KCNK10: variants seen among roughly 807,000 people sequenced by gnomAD.
KCNK10 encodes the protein potassium channel subfamily K member 10.
A neutral mutation model predicts 47.7 loss-of-function variants in KCNK10; 25 were observed. The observed-to-expected ratio is 0.52, with a 90% confidence interval of 0.38 to 0.73. The LOEUF (loss-of-function observed/expected upper bound fraction) is 0.73, where lower values mean the gene tolerates loss of function less well. Among genes scored for constraint, KCNK10 ranks in the 30% least tolerant of loss-of-function variants. The probability of loss-of-function intolerance (pLI) is 0.00; values close to 1 mark genes in which losing one functional copy is unlikely to be tolerated. For synonymous variants in KCNK10, 303 were observed against 285.6 expected (o/e 1.06, Z -0.61); for missense variants, 563 against 714.5 (o/e 0.79, Z 2.42).
chr14:88,223,082 C>T (rs758726317), intron 4 of KCNK10, among the ~76,000 whole-genome samples: 1 of 152,170 alleles, frequency 6.6e-6, no homozygotes, highest in Non-Finnish European at 1.5e-5. Flanking sequence ...GAAGGATTCT[C>T]ATGCACAAAT....
At chr14:88,266,978 GCAGAGTT>G (rs771528617) in intron 1 of KCNK10, among the ~76,000 whole-genome samples, 1 of 152,184 alleles carries the variant, frequency 6.6e-6, no homozygotes, top group Non-Finnish European at 1.5e-5. Context: ...GTCCATTAGG[GCAGAGTT>G]TGAACAGAAT....
At chr14:88,243,089 C>A (rs1886527806) in intron 2 of KCNK10, among the ~76,000 whole-genome samples, 1 of 152,136 alleles carries the variant, frequency 6.6e-6, no homozygotes, top group African/African-American at 2.4e-5. Context: ...TCTGAAGAAT[C>A]CTTTTCAAGT....
chr14:88,186,234 G>GT lies in KCNK10; in HGVS notation c.1012-80dup. The GT allele has an allele frequency of 6.8e-7, 1 of 1,469,580 alleles. No homozygotes were observed. Among genetic ancestry groups the GT allele is most frequent in the Non-Finnish European group, 9.0e-7 (1 of 1,106,428 alleles). 91.0% of individuals were successfully genotyped at this position (1,469,580 alleles called of 1,614,324 possible). A position where few individuals can be genotyped will look rare whatever the true frequency, so the allele number is the denominator to read the frequency against. On this transcript the variant is annotated intron_variant, in intron 6 of 6. Transcript: ENST00000319231. The surrounding 1 kb of genome is among the most constrained non-coding windows in gnomAD (Gnocchi z 5.5). ...GCCTCCCAGCACCCACAGCCCTCGG[G>GT]TGTCCCCACGGGGAGGCCAGGAGGT... is the stretch of plus-strand genomic sequence containing the variant.
intron 4 of KCNK10, among the ~76,000 whole-genome samples, chr14:88,194,183 C>T (rs549221287): frequency 6.6e-6 from 1 of 152,176 alleles, no homozygotes; most frequent in African/African-American, 2.4e-5. Flanking sequence ...ATGAAAATAT[C>T]GACTTTTCCA....
chr14:88,230,251 G>A (rs945980343), intron 3 of KCNK10, among the ~76,000 whole-genome samples: 9 of 152,040 alleles, frequency 5.9e-5, no homozygotes, highest in Admixed American at 2.0e-4. Context: ...GAAAACAGGC[G>A]GTTGATTCCT....
chr14:88,220,193 G>A (rs567635424), intron 4 of KCNK10, among the ~76,000 whole-genome samples: 44 of 151,890 alleles, frequency 2.9e-4, no homozygotes, highest in South Asian at 6.2e-4. Context: ...CGAGGCGGGC[G>A]GATCACGAGG....
At chr14:88,313,250 G>A (rs1399181152) in intron 1 of KCNK10, among the ~76,000 whole-genome samples, 4 of 152,154 alleles carry the variant, frequency 2.6e-5, no homozygotes, top group Admixed American at 6.5e-5. Context: ...AGCACGTGGT[G>A]CCTATTCAAT....
intron 1 of KCNK10, among the ~76,000 whole-genome samples, chr14:88,287,368 T>G (rs1373052295): frequency 6.6e-6 from 1 of 152,174 alleles, no homozygotes; most frequent in Non-Finnish European, 1.5e-5. Context: ...GGTGTTTGGT[T>G]ACATGACTAA....
At chr14:88,324,857 C>T (rs1888628762), upstream of KCNK10, among the ~76,000 whole-genome samples, 1 of 152,198 alleles carries the variant, frequency 6.6e-6, no homozygotes, top group Non-Finnish European at 1.5e-5. Context: ...AGAGCAAGAC[C>T]TACAGAGGTC....
At position 88,309,941 on chromosome 14, in the gene KCNK10, C is replaced by G. The variant is rs555407257; in HGVS notation, c.52+12806G>C. 2.0e-5 allele frequency among the ~76,000 whole-genome samples: 3 copies of G among 152,106 alleles called. No individual in the cohort carries two copies. In the East Asian group the frequency reaches 5.9e-4, roughly 30 times the overall value. On this transcript the variant is annotated intron_variant, in intron 1 of 6. Transcript: ENST00000319231. ...CCCTCCAGAGCTCTCAGTCTGCTCC[C>G]TACACAGCACCTGACTTCCCCCCTT...
chr14:88,239,456 T>C (rs1486730490), intron 3 of KCNK10, among the ~76,000 whole-genome samples: 3 of 152,282 alleles, frequency 2.0e-5, no homozygotes, highest in East Asian at 3.9e-4. Flanking sequence ...CACCAAAACT[T>C]TGTGTTGGAA....
At chr14:88,264,015 A>C (rs1477859036) in intron 1 of KCNK10, among the ~76,000 whole-genome samples, 9 of 152,316 alleles carry the variant, frequency 5.9e-5, no homozygotes, top group Non-Finnish European at 1.2e-4. Flanking sequence ...AACAGCAGAG[A>C]AGAGATGAAT....
intron 2 of KCNK10, among the ~76,000 whole-genome samples, chr14:88,254,258 C>A (rs1285169584): frequency 6.6e-6 from 1 of 152,196 alleles, no homozygotes; most frequent in Non-Finnish European, 1.5e-5. Context: ...ATTAGACCAA[C>A]CTGCCCCCAG....
At chr14:88,198,095 T>C (rs548482813) in intron 4 of KCNK10, among the ~76,000 whole-genome samples, 1 of 152,242 alleles carries the variant, frequency 6.6e-6, no homozygotes, top group South Asian at 2.1e-4. Context: ...AATAATAACA[T>C]TCTTGTAGCT....
At chr14:88,292,490 T>C (rs890832940) in intron 1 of KCNK10, among the ~76,000 whole-genome samples, 1 of 151,940 alleles carries the variant, frequency 6.6e-6, no homozygotes, top group African/African-American at 2.4e-5. Flanking sequence ...TCTGGGATTA[T>C]AGGCACCCGC....
At position 88,187,967 on chromosome 14, in the gene KCNK10, CTCT is replaced by C; in HGVS notation, c.1008_1010del (p.Glu337del). 1 of 1,614,062 alleles carries C rather than the reference CTCT, an allele frequency of 6.2e-7. No individual in the cohort carries two copies. Among genetic ancestry groups the C allele is most frequent in the Non-Finnish European group, 8.5e-7 (1 of 1,180,014 alleles). ...TCATAGGGTTAGGAAGGGGTCCTAC[CTCT>C]TCTTTTGTCTTTTTGGACAGAACCC... On this transcript the variant is annotated inframe_deletion and splice_region_variant, in exon 6 of 7. Coordinates refer to ENST00000319231, the MANE Select transcript of KCNK10 (RefSeq NM_138317.3).
chr14:88,326,523 T>C, upstream of KCNK10: 2 of 1,266,620 alleles, frequency 1.6e-6, no homozygotes, highest in South Asian at 1.2e-5. Flanking sequence ...TGGCTATTGC[T>C]TCAGGCGGGT....
intron 2 of KCNK10, among the ~76,000 whole-genome samples, chr14:88,255,245 A>G (rs1404039614): frequency 6.6e-6 from 1 of 152,212 alleles, no homozygotes; most frequent in African/African-American, 2.4e-5. Context: ...TGATGCAAGT[A>G]AGCAGTATGG....
intron 2 of KCNK10, among the ~76,000 whole-genome samples, chr14:88,252,107 G>T (rs1192872256): frequency 1.3e-5 from 2 of 151,934 alleles, no homozygotes; most frequent in African/African-American, 4.8e-5. Flanking sequence ...TATAGATGGG[G>T]TTTTGCCATG....
Sources: gnomAD v4.1 joint callset for allele counts (sites outside exome capture counted in the v4.1 genomes callset) on GRCh38, gnomAD v4.1.1 for gene constraint, Gnocchi (gnomAD v3.1) non-coding constraint, MANE v1.5 for transcripts, NCBI Gene and HGNC (gene_info 2026-07-23, HGNC 2026-07-21) for gene names.